SPNS2: variants seen among roughly 807,000 people sequenced by gnomAD.
The protein encoded by SPNS2 is sphingosine-1-phosphate transporter SPNS2.
SPNS2 carries 37 observed loss-of-function variants against 57.6 expected under a neutral mutation model. The observed-to-expected ratio is 0.64, with a 90% CI of 0.49 to 0.85. The LOEUF (loss-of-function observed/expected upper bound fraction) is 0.85. Ranked by LOEUF, SPNS2 falls within the 40% of genes least tolerant of loss-of-function variation. SPNS2 has a pLI of 0.00. For missense variants in SPNS2, 831 were observed against 779.1 expected (o/e 1.07, Z -0.79); for synonymous variants, 440 against 346.9 (o/e 1.27, Z -2.98).
At chr17:4,500,846 G>C (rs747678) in intron 1 of SPNS2, among the ~76,000 whole-genome samples, 3 of 151,166 alleles carry the variant, frequency 2.0e-5, no homozygotes, top group Non-Finnish European at 4.4e-5. Flanking sequence ...CTGTCCTTCC[G>C]CTGGAGGAAA....
intron 3 of SPNS2, among the ~76,000 whole-genome samples, chr17:4,528,978 C>A (rs1445842969): frequency 6.6e-6 from 1 of 151,798 alleles, no homozygotes; most frequent in African/African-American, 2.4e-5. Flanking sequence ...GCTCTGTCAC[C>A]CAGGCTGGAG....
chr17:4,521,489 G>A lies in SPNS2; in HGVS notation c.437-3568G>A, dbSNP rs529022134. 5.3e-4 allele frequency among the ~76,000 whole-genome samples: 81 copies of A among 152,336 alleles called. 2 individuals carry two copies. The South Asian group carries it at 0.013, about 24-fold the overall frequency. On this transcript the variant is annotated intron_variant, in intron 2 of 12. Transcript: ENST00000329078. ...GGGTGTGGCATTAAGCACCTTGCAC[G>A]TGCTATCCAGCACCCAGACCCACCC...
intron 2 of SPNS2, among the ~76,000 whole-genome samples, chr17:4,513,582 G>A (rs1237198096): frequency 2.6e-5 from 4 of 152,236 alleles, no homozygotes; most frequent in Non-Finnish European, 5.9e-5. Context: ...TTGCAGAGGT[G>A]AACTTTCTCT....
intron 12 of SPNS2, among the ~76,000 whole-genome samples, chr17:4,537,178 T>C (rs1471516974): frequency 2.0e-5 from 3 of 152,062 alleles, no homozygotes; most frequent in Admixed American, 2.0e-4. Flanking sequence ...AAGGGCTGGG[T>C]GGGGCCTCGC....
At position 4,499,279 on chromosome 17, in the gene SPNS2, C is replaced by T. The variant is rs764298987; in HGVS notation, c.232C>T (p.Pro78Ser). ...PTGPPGTPGT[P>S]GCAATAKGPG... ...CGGACCCCCCGGCACCCCCGGCACC[C>T]CCGGCTGCGCAGCTACTGCAAAGGG... The change falls in exon 1 of 13, where the codon CCC becomes TCC. Residue 78 changes from proline to serine, a missense_variant. This residue lies in a region of SPNS2 where 305 missense variants were observed against 378.3 expected (regional missense o/e 0.81). Coordinates refer to ENST00000329078, the MANE Select transcript of SPNS2 (RefSeq NM_001124758.3). The surrounding 1 kb of genome is among the most constrained non-coding windows in gnomAD (Gnocchi z 5.2). The T allele has an allele frequency of 8.7e-6, 13 of 1,489,788 alleles. No homozygotes were observed. In the South Asian group the frequency reaches 1.4e-4, roughly 16 times the overall value. 92.3% of individuals were successfully genotyped at this position (1,489,788 alleles called of 1,614,324 possible).
chr17:4,527,577 C>T (rs1304842948), intron 3 of SPNS2, among the ~76,000 whole-genome samples: 2 of 152,184 alleles, frequency 1.3e-5, no homozygotes, highest in Non-Finnish European at 2.9e-5. Flanking sequence ...GAAAAATGGG[C>T]ACGGGATAGC....
intron 1 of SPNS2, among the ~76,000 whole-genome samples, chr17:4,500,476 C>A (rs1470675984): frequency 6.6e-6 from 1 of 152,096 alleles, no homozygotes; most frequent in African/African-American, 2.4e-5. Context: ...TTTGGCCAGA[C>A]TGGCATAGGA....
chr17:4,536,182 GCC>G lies in SPNS2; in HGVS notation c.1443+11_1443+12del. On this transcript the variant is annotated intron_variant, in intron 10 of 12. Transcript: ENST00000329078. ...CCCTACCTCATTGGCTTTGTGAGTA[GCC>G]CCGGGGTGGGGCTGGCCAGGGCAGG... The G allele has an allele frequency of 6.2e-7, 1 of 1,610,858 alleles. No homozygotes were observed. The highest frequency in any genetic ancestry group is 8.5e-7 in the Non-Finnish European group (1 of 1,179,126).
At chr17:4,535,971 G>GT in intron 9 of SPNS2, 105 bp from the exon 10 acceptor site, 1 of 890,022 alleles carries the variant, frequency 1.1e-6, no homozygotes, top group Non-Finnish European at 1.7e-6. Flanking sequence ...TAGGGCAGGA[G>GT]TGAGTCTGAG....
chr17:4,505,500 G>C (rs1450810595), intron 1 of SPNS2, among the ~76,000 whole-genome samples: 1 of 152,242 alleles, frequency 6.6e-6, no homozygotes, highest in Non-Finnish European at 1.5e-5. Context: ...TGTCTACCCA[G>C]TCCTCAGCCC....
rs779468163 is a variant in SPNS2, at chr17:4,533,006, C to T, written c.965C>T (p.Thr322Met). The T allele has an allele frequency of 1.1e-5, 17 of 1,613,064 alleles. No individual in the cohort carries two copies. Among genetic ancestry groups the T allele is most frequent in the Admixed American group, 1.7e-5 (1 of 59,990 alleles). The change falls in exon 7 of 13, where the codon ACG becomes ATG. Residue 322 changes from threonine (T) to methionine (M), a missense_variant. Around this residue, in one of 2 missense-constraint regions of SPNS2, gnomAD observed 526 missense variants for 400.9 expected, o/e 1.31. Transcript: ENST00000329078. ...NRSYVFSSLA[T>M]SAVSFATGAL... ...AGCTACGTCTTCTCCTCCCTGGCCA[C>T]GTCGGCTGTCTCCTTCGCCACGGGG... is the stretch of plus-strand genomic sequence containing the variant.
chr17:4,529,319 A>G (rs867159769), intron 3 of SPNS2, among the ~76,000 whole-genome samples: 1 of 151,952 alleles, frequency 6.6e-6, no homozygotes, highest in Admixed American at 6.5e-5. Context: ...GCCTCAAGCA[A>G]TCCTCCTGCC....
rs2144384653 is a variant in SPNS2 at position 4,536,437 on chromosome 17, G to A, written c.1607+11G>A. ...CAGGGCTGAGCAGCAGTGAGTGGGG[G>A]GGAGGGGAGGCCCTGCTGCACCGCC... On this transcript the variant is annotated intron_variant, in intron 11 of 12. Coordinates refer to ENST00000329078, the MANE Select transcript of SPNS2 (RefSeq NM_001124758.3). The A allele has an allele frequency of 2.6e-6, 4 of 1,557,462 alleles. No homozygotes were observed. Among genetic ancestry groups the A allele is most frequent in the African/African-American group, 1.4e-5 (1 of 71,886 alleles).
In SPNS2 at chr17:4,538,802, G is replaced by A. The variant is rs950103717; in HGVS notation, c.*1354G>A. ...TACCCCGAGGGCCTGACAAGAGGAT[G>A]GGGTGGGGGTGGCATCCTCCAAAGA... On this transcript the variant is annotated 3_prime_UTR_variant, in exon 13 of 13. Transcript: ENST00000329078. The A allele has an allele frequency of 2.6e-6, 2 of 758,988 alleles. No homozygotes were observed. Among genetic ancestry groups the A allele is most frequent in the Non-Finnish European group, 4.9e-6 (2 of 411,764 alleles). 47.0% of individuals were successfully genotyped at this position (758,988 alleles called of 1,614,324 possible).
At chr17:4,522,678 C>CA (rs1194153478) in intron 2 of SPNS2, among the ~76,000 whole-genome samples, 1 of 152,240 alleles carries the variant, frequency 6.6e-6, no homozygotes, top group Admixed American at 6.5e-5. Flanking sequence ...GGTCAGAGGC[C>CA]AACTGGCTGC....
chr17:4,532,556 G>C lies in SPNS2; in HGVS notation c.807G>C (p.Leu269=). ...WHWALRVSPV[L]GMITGTLILI... Reference sequence around the variant, plus strand: ...CTCTCTGGCAGGTGTCCCCTGTCCTGGGCATGATCACAGGAACACTCATCC... The same window carrying C: ...CTCTCTGGCAGGTGTCCCCTGTCCTCGGCATGATCACAGGAACACTCATCC... Residue 269 remains leucine, a synonymous_variant, in exon 6 of 13, where the codon CTG becomes CTC. Transcript: ENST00000329078. 3 of 1,614,158 alleles carry C rather than the reference G, an allele frequency of 1.9e-6. No homozygotes were observed. The East Asian group carries it at 6.7e-5, about 36-fold the overall frequency.
intron 1 of SPNS2, among the ~76,000 whole-genome samples, chr17:4,501,609 G>A (rs969416521): frequency 2.0e-5 from 3 of 152,118 alleles, no homozygotes; most frequent in African/African-American, 4.8e-5. Flanking sequence ...TTTCCTCTCC[G>A]GATAAGCCTG....
At chr17:4,533,910 C>T (rs1905625909) in intron 9 of SPNS2, 57 bp downstream of exon 9, 6 of 1,460,028 alleles carry the variant, frequency 4.1e-6, no homozygotes, top group Non-Finnish European at 4.7e-6. Context: ...CTTGACCTCA[C>T]AGGGGTGCCT....
chr17:4,530,502 C>G, intron 3 of SPNS2, 130 bp from the exon 4 acceptor site: 1 of 1,115,126 alleles, frequency 9.0e-7, no homozygotes. Flanking sequence ...GAGGTGCAGC[C>G]CACCAGCACC....
Sources: gnomAD v4.1 joint callset for allele counts (sites outside exome capture counted in the v4.1 genomes callset) on GRCh38, gnomAD v4.1.1 for gene constraint, gnomAD v4.1.1 regional missense constraint, Gnocchi (gnomAD v3.1) non-coding constraint, MANE v1.5 for transcripts, NCBI Gene and HGNC (gene_info 2026-07-23, HGNC 2026-07-21) for gene names.